Variants in CDH4 observed in about 807,000 individuals in gnomAD.
CDH4 encodes the protein cadherin 4, also known as cadherin-4.
Under a neutral mutation model 86.0 loss-of-function variants are expected in CDH4, and 33 were observed. That is an observed-to-expected ratio of 0.38 (90% CI 0.29 to 0.51). The LOEUF is 0.51. Among genes scored for constraint, CDH4 ranks in the 20% least tolerant of loss-of-function variants. The pLI, the probability that CDH4 is intolerant of heterozygous loss-of-function variation, is 0.86. For missense variants in CDH4, 1,114 were observed against 1,307.4 expected, an observed-to-expected ratio of 0.85 and a Z score of 2.28; for synonymous variants, 555 against 549.4, an observed-to-expected ratio of 1.01 and a Z score of -0.14.
intron 2 of CDH4, among the ~76,000 whole-genome samples, chr20:61,596,687 G>A (rs929666468): frequency 3.9e-5 from 6 of 152,174 alleles, no homozygotes; most frequent in Non-Finnish European, 8.8e-5. Flanking sequence ...AACAGATGAG[G>A]TCCTGGAAAT....
chr20:61,275,025 GA>G, intron 2 of CDH4, among the ~76,000 whole-genome samples: 1 of 142,836 alleles, frequency 7.0e-6, no homozygotes, highest in Non-Finnish European at 1.5e-5. Flanking sequence ...CGCAGTTAGG[GA>G]GAGCACCATG....
At chr20:61,876,034 CTG>C (rs1984007378) in intron 7 of CDH4, among the ~76,000 whole-genome samples, 1 of 152,254 alleles carries the variant, frequency 6.6e-6, no homozygotes, top group Non-Finnish European at 1.5e-5. Flanking sequence ...GGTGGTCTGA[CTG>C]GAGCGTGTGC....
intron 2 of CDH4, among the ~76,000 whole-genome samples, chr20:61,348,240 C>T (rs1444224945): frequency 1.4e-5 from 2 of 145,426 alleles, no homozygotes; most frequent in Non-Finnish European, 3.1e-5. Context: ...GGAGCTAAGG[C>T]ACATCTTACA....
intron 2 of CDH4, among the ~76,000 whole-genome samples, chr20:61,621,896 A>G (rs1262309435): frequency 1.3e-5 from 2 of 152,254 alleles, no homozygotes; most frequent in African/African-American, 4.8e-5. Context: ...TGTTTAATTT[A>G]AAAATAAAAA....
intron 2 of CDH4, among the ~76,000 whole-genome samples, chr20:61,534,806 C>T (rs2085984315): frequency 8.2e-6 from 1 of 121,324 alleles, no homozygotes; most frequent in Non-Finnish European, 1.8e-5. Flanking sequence ...TCATCCTCAA[C>T]CCGACGGCCT....
Position 61,320,440 on chromosome 20 carries a change from C to T in CDH4, c.169+65503C>T, listed in dbSNP as rs533654148. ...GCAGGTGTGGGTGAGACTGGAGTGTCGGTGGGGTTGGGTTGGCCTCCACAG... is the reference window on the plus strand; with the variant it reads ...GCAGGTGTGGGTGAGACTGGAGTGTTGGTGGGGTTGGGTTGGCCTCCACAG... On this transcript the variant is annotated intron_variant, in intron 2 of 15. Transcript: ENST00000614565. Among the ~76,000 whole-genome samples, 26 of 152,114 alleles carry T rather than the reference C, an allele frequency of 1.7e-4. No homozygotes were observed. In the South Asian group the frequency reaches 2.7e-3, roughly 16 times the overall value.
chr20:61,432,833 A>AT (rs36067606), intron 2 of CDH4, among the ~76,000 whole-genome samples: 3,360 of 101,690 alleles, frequency 0.033, 87 homozygotes, highest in Non-Finnish European at 0.039. Context: ...TAAATCCATG[A>AT]TTTTTTTTTT....
chr20:61,715,921 C>A (rs994174913), intron 2 of CDH4, among the ~76,000 whole-genome samples: 1 of 152,258 alleles, frequency 6.6e-6, no homozygotes, highest in East Asian at 1.9e-4. Flanking sequence ...GTGGCCCCCT[C>A]AGAGACCCCA....
chr20:61,729,865 A>C (rs938389074), intron 2 of CDH4, among the ~76,000 whole-genome samples: 5 of 152,218 alleles, frequency 3.3e-5, no homozygotes, highest in Non-Finnish European at 7.3e-5. Context: ...CCTGCCATAA[A>C]TGAGACGGCA....
intron 2 of CDH4, among the ~76,000 whole-genome samples, chr20:61,722,232 A>G (rs1254131751): frequency 6.6e-6 from 1 of 152,132 alleles, no homozygotes; most frequent in Non-Finnish European, 1.5e-5. Flanking sequence ...TTTATTGCAG[A>G]AAAGAAGCCA....
At chr20:61,852,624 G>GC (rs981968397) in intron 5 of CDH4, 130 bp from the exon 6 acceptor site, 6 of 821,408 alleles carry the variant, frequency 7.3e-6, no homozygotes, top group African/African-American at 3.5e-5. Flanking sequence ...CGTGTCCAAA[G>GC]CCCCCCGGCC....
chr20:61,586,908 A>C (rs370927695), intron 2 of CDH4, among the ~76,000 whole-genome samples: 2 of 152,190 alleles, frequency 1.3e-5, no homozygotes, highest in East Asian at 3.9e-4. Context: ...CCGAGTACCT[A>C]CTGTGTACTA....
At chr20:61,786,944 G>C (rs967159124) in intron 4 of CDH4, among the ~76,000 whole-genome samples, 1 of 152,242 alleles carries the variant, frequency 6.6e-6, no homozygotes, top group Non-Finnish European at 1.5e-5. Flanking sequence ...GGGTGAAGGA[G>C]AGTATGTATG....
chr20:61,579,710 G>A (rs1221551762), intron 2 of CDH4, among the ~76,000 whole-genome samples: 3 of 152,144 alleles, frequency 2.0e-5, no homozygotes, highest in African/African-American at 7.2e-5. Context: ...AGAGCACGGA[G>A]TAGGCACCCG....
At position 61,889,598 on chromosome 20, in the gene CDH4, TGG is replaced by T. The variant is rs1984709794; in HGVS notation, c.1051-5311_1051-5310del. On this transcript the variant is annotated intron_variant, in intron 7 of 15. Coordinates refer to ENST00000614565, the MANE Select transcript of CDH4 (RefSeq NM_001794.5). Reference sequence around the variant, plus strand: ...GATGATGAATGAGTTAGTGGATGGATGGATGATGGGTGGATAGATGATGGATG... The same window carrying T: ...GATGATGAATGAGTTAGTGGATGGATATGATGGGTGGATAGATGATGGATG... Among the ~76,000 whole-genome samples, 13 of 7,422 alleles carry T rather than the reference TGG, an allele frequency of 1.8e-3. No individual in the cohort carries two copies. The Admixed American group carries it at 0.018, about 10-fold the overall frequency. 4.9% of individuals were successfully genotyped at this position (7,422 alleles called of 152,430 possible).
intron 4 of CDH4, among the ~76,000 whole-genome samples, chr20:61,828,273 G>A (rs889745335): frequency 4.6e-5 from 7 of 152,154 alleles, no homozygotes; most frequent in African/African-American, 1.7e-4. Context: ...CGCATCTAAC[G>A]AAAGCACCCA....
chr20:61,839,327 C>A (rs778578253), intron 4 of CDH4, among the ~76,000 whole-genome samples: 1 of 151,072 alleles, frequency 6.6e-6, no homozygotes, highest in African/African-American at 2.4e-5. Flanking sequence ...TGTGTGTGTT[C>A]GTGCGTATGC....
At chr20:61,496,385 G>A (rs535615762) in intron 2 of CDH4, among the ~76,000 whole-genome samples, 2 of 149,384 alleles carry the variant, frequency 1.3e-5, no homozygotes, top group Admixed American at 1.4e-4. Context: ...CTGGGCAACA[G>A]AGCAATACCC....
chr20:61,859,555 G>C (rs1983223780), intron 6 of CDH4, among the ~76,000 whole-genome samples: 2 of 152,308 alleles, frequency 1.3e-5, no homozygotes, highest in South Asian at 4.1e-4. Flanking sequence ...GATTCATTTT[G>C]AGTTAATTTT....
Sources: allele counts gnomAD v4.1 joint callset (sites outside exome capture counted in the v4.1 genomes callset), GRCh38; gene constraint gnomAD v4.1.1; transcripts MANE v1.5; gene names NCBI Gene and HGNC (gene_info 2026-07-23, HGNC 2026-07-21).